Variants in SNTB2 observed in about 807,000 individuals in gnomAD.
The protein encoded by SNTB2 is beta-2-syntrophin.
SNTB2 carries 34 observed loss-of-function variants against 46.2 expected under a neutral mutation model. The observed-to-expected ratio is 0.74, with a 90% CI of 0.56 to 0.98. The LOEUF (loss-of-function observed/expected upper bound fraction) is 0.98, where lower values mean the gene tolerates loss of function less well. Among genes scored for constraint, SNTB2 ranks in the 50% least tolerant of loss-of-function variants. SNTB2 has a pLI of 0.00. For missense variants in SNTB2, 603 were observed against 731.4 expected (o/e 0.82, Z 2.02); for synonymous variants, 290 against 312.6 (o/e 0.93, Z 0.76).
intron 1 of SNTB2, among the ~76,000 whole-genome samples, chr16:69,235,009 T>A (rs964578703): frequency 6.6e-6 from 1 of 152,078 alleles, no homozygotes; most frequent in Non-Finnish European, 1.5e-5. Context: ...GGCTCTCAAC[T>A]TGGTTCTTTA....
In SNTB2 at chr16:69,308,851, C is replaced by T. The variant is rs1965334533; in HGVS notation, c.*7927C>T. 1 of 152,208 alleles carries T rather than the reference C, an allele frequency of 6.6e-6. No individual in the cohort carries two copies. 9.4% of individuals were successfully genotyped at this position (152,208 alleles called of 1,614,324 possible). A position where few individuals can be genotyped will look rare whatever the true frequency, so the allele number is the denominator to read the frequency against. On this transcript the variant is annotated 3_prime_UTR_variant, in exon 7 of 7. Transcript: ENST00000336278. ...CAAAAACCCAACGCGTAAAACAGGG[C>T]AGTATTTGTGTTCCTAATTTTAAAA...
At chr16:69,261,783 A>C (rs1964837004) in intron 3 of SNTB2, among the ~76,000 whole-genome samples, 1 of 152,198 alleles carries the variant, frequency 6.6e-6, no homozygotes, top group Admixed American at 6.5e-5. Context: ...AAAATCAAAC[A>C]AAAAATTAAT....
At chr16:69,283,774 G>T (rs575999710) in intron 4 of SNTB2, among the ~76,000 whole-genome samples, 1 of 152,068 alleles carries the variant, frequency 6.6e-6, no homozygotes. Context: ...AGATGCTCAC[G>T]CCTGTAATCC....
chr16:69,247,076 A>G (rs1964678055), intron 2 of SNTB2, among the ~76,000 whole-genome samples: 1 of 150,104 alleles, frequency 6.7e-6, no homozygotes, highest in Non-Finnish European at 1.5e-5. Context: ...ATATTAAAAA[A>G]AAAAAAGAAG....
intron 5 of SNTB2, among the ~76,000 whole-genome samples, chr16:69,291,551 T>TA (rs1194161372): frequency 1.3e-5 from 2 of 151,474 alleles, no homozygotes; most frequent in South Asian, 2.1e-4. Flanking sequence ...CATCTCTATT[T>TA]AAAAAAAATG....
chr16:69,289,942 T>G (rs1965144830), intron 5 of SNTB2, among the ~76,000 whole-genome samples: 1 of 152,096 alleles, frequency 6.6e-6, no homozygotes, highest in Admixed American at 6.6e-5. Context: ...AGGAAATTGT[T>G]GGGAGATTCA....
chr16:69,292,419 T>A (rs866284229), intron 5 of SNTB2, among the ~76,000 whole-genome samples: 16 of 2,002 alleles, frequency 8.0e-3, no homozygotes, highest in East Asian at 0.061. Context: ...ATATATATAT[T>A]ATATATATAT....
intron 1 of SNTB2, among the ~76,000 whole-genome samples, chr16:69,196,503 T>C (rs1964107260): frequency 6.6e-6 from 1 of 151,372 alleles, no homozygotes; most frequent in Non-Finnish European, 1.5e-5. Flanking sequence ...GCCTCCTGAG[T>C]AGCTGGGATT....
intron 5 of SNTB2, among the ~76,000 whole-genome samples, chr16:69,297,606 ACT>A (rs2097907642): frequency 1.4e-5 from 2 of 139,742 alleles, no homozygotes; most frequent in South Asian, 4.4e-4. Context: ...ACAGAGCGAG[ACT>A]CTGTCTCCAA....
In SNTB2 at chr16:69,187,467, C is replaced by G; in HGVS notation, c.301C>G (p.Arg101Gly). The G allele has an allele frequency of 8.3e-7, 1 of 1,197,888 alleles. No homozygotes were observed. Among genetic ancestry groups the G allele is most frequent in the Non-Finnish European group, 1.0e-6 (1 of 962,660 alleles). The allele number at this position is 1,197,888 out of a possible 1,614,324, so 74.2% of individuals were successfully genotyped here. The change falls in exon 1 of 7, where the codon CGG becomes GGG. Residue 101 changes from arginine (R) to glycine (G), a missense_variant. By Grantham distance (125) the Arg-to-Gly change is moderately radical (BLOSUM62 -2). Around this residue, in one of 2 missense-constraint regions of SNTB2, gnomAD observed 537 missense variants for 692.4 expected, o/e 0.78. Coordinates refer to ENST00000336278, the MANE Select transcript of SNTB2 (RefSeq NM_006750.4). Reference sequence around the variant, plus strand: ...GCCCCCGAGCCCGCCGGCGCCGCCTCGGGGCCCCGCGGGTGAGGCGGGCGC... The same window carrying G: ...GCCCCCGAGCCCGCCGGCGCCGCCTGGGGGCCCCGCGGGTGAGGCGGGCGC... ...LGPPSPPAPP[R>G]GPAGEAGASP...
chr16:69,210,400 G>T (rs1964271208), intron 1 of SNTB2, among the ~76,000 whole-genome samples: 1 of 151,712 alleles, frequency 6.6e-6, no homozygotes, highest in Admixed American at 6.6e-5. Flanking sequence ...GCCATGCCTG[G>T]ATAATTTTTT....
In SNTB2 at chr16:69,308,900, A is replaced by G. The variant is rs1026560268; in HGVS notation, c.*7976A>G. On this transcript the variant is annotated 3_prime_UTR_variant, in exon 7 of 7. Coordinates refer to ENST00000336278, the MANE Select transcript of SNTB2 (RefSeq NM_006750.4). ...AAAGCTTTATGTATACTCTATAAAT[A>G]TAGATGCATAAACAACACTTCCCCT... 2 of 152,620 alleles carry G rather than the reference A, an allele frequency of 1.3e-5. No homozygotes were observed. Among genetic ancestry groups the G allele is most frequent in the African/African-American group, 4.8e-5 (2 of 41,454 alleles). The allele number at this position is 152,620 out of a possible 1,614,324, so 9.5% of individuals were successfully genotyped here. A position where few individuals can be genotyped will look rare whatever the true frequency, so the allele number is the denominator to read the frequency against.
At chr16:69,188,318 A>G (rs74960998) in intron 1 of SNTB2, among the ~76,000 whole-genome samples, 7,650 of 152,228 alleles carry the variant, frequency 0.05, 260 homozygotes, top group Non-Finnish European at 0.071. Context: ...TGGTTAACGA[A>G]CCTTGTTTAA....
At chr16:69,282,234 G>T (rs1220045508) in intron 4 of SNTB2, among the ~76,000 whole-genome samples, 1 of 149,600 alleles carries the variant, frequency 6.7e-6, no homozygotes, top group African/African-American at 2.5e-5. Context: ...GCCCAGGCAG[G>T]CAGATCACCT....
chr16:69,211,327 A>G (rs553330557), intron 1 of SNTB2, among the ~76,000 whole-genome samples: 11 of 151,992 alleles, frequency 7.2e-5, no homozygotes, highest in Non-Finnish European at 1.6e-4. Flanking sequence ...AACCATTTCA[A>G]ATGTAAATAT....
intron 6 of SNTB2, 59 bp downstream of exon 6, chr16:69,299,833 C>T: frequency 1.3e-6 from 2 of 1,491,954 alleles, no homozygotes; most frequent in Non-Finnish European, 1.8e-6. Flanking sequence ...CTTCTCATTA[C>T]TTCTTACCCC....
At chr16:69,264,202 A>G (rs1401684369) in intron 3 of SNTB2, among the ~76,000 whole-genome samples, 5 of 152,088 alleles carry the variant, frequency 3.3e-5, no homozygotes, top group Non-Finnish European at 7.4e-5. Context: ...AGGACCTGTG[A>G]TGCCAAGGCC....
chr16:69,192,071 G>C (rs1215695439), intron 1 of SNTB2, among the ~76,000 whole-genome samples: 1 of 152,222 alleles, frequency 6.6e-6, no homozygotes, highest in East Asian at 1.9e-4. Context: ...TTTTGATCCA[G>C]GAAGTGATGT....
intron 1 of SNTB2, among the ~76,000 whole-genome samples, chr16:69,194,098 G>T (rs951831380): frequency 6.6e-6 from 1 of 152,106 alleles, no homozygotes; most frequent in Non-Finnish European, 1.5e-5. Flanking sequence ...TAGTCTGATA[G>T]CTTGCTGGTG....
Sources: gnomAD v4.1 joint callset for allele counts (sites outside exome capture counted in the v4.1 genomes callset) on GRCh38, gnomAD v4.1.1 for gene constraint, gnomAD v4.1.1 regional missense constraint, MANE v1.5 for transcripts, NCBI Gene and HGNC (gene_info 2026-07-23, HGNC 2026-07-21) for gene names.